ATP11B: variants seen among roughly 807,000 people sequenced by gnomAD.
The protein encoded by ATP11B is phospholipid-transporting ATPase IF.
Under a neutral mutation model 157.8 loss-of-function variants are expected in ATP11B, and 81 were observed. That is an observed-to-expected ratio of 0.51 (90% CI 0.43 to 0.62). The LOEUF is 0.62. Among genes scored for constraint, ATP11B ranks in the 20% least tolerant of loss-of-function variants. The pLI is 0.00. For missense variants in ATP11B, 1,165 were observed against 1,402.2 expected, an observed-to-expected ratio of 0.83 and a Z score of 2.70; for synonymous variants, 451 against 469.4, an observed-to-expected ratio of 0.96 and a Z score of 0.51.
chr3:182,891,861 C>T (rs1723197804), intron 25 of ATP11B, among the ~76,000 whole-genome samples: 1 of 152,206 alleles, frequency 6.6e-6, no homozygotes, highest in South Asian at 2.1e-4. Context: ...GAGTTAACCT[C>T]TCTCAGACTC....
chr3:182,822,519 G>T (rs1441798062), intron 2 of ATP11B, among the ~76,000 whole-genome samples: 1 of 152,138 alleles, frequency 6.6e-6, no homozygotes, highest in Non-Finnish European at 1.5e-5. Context: ...GTCTATCATT[G>T]TTGGACATTT....
chr3:182,842,941 G>A (rs537804558), intron 8 of ATP11B, among the ~76,000 whole-genome samples: 134 of 152,282 alleles, frequency 8.8e-4, no homozygotes, highest in Middle Eastern at 3.4e-3. Context: ...TCAGAGTAAG[G>A]TCACTCAGGT....
intron 1 of ATP11B, among the ~76,000 whole-genome samples, chr3:182,814,324 C>T (rs938006641): frequency 6.6e-6 from 1 of 152,108 alleles, no homozygotes; most frequent in African/African-American, 2.4e-5. Context: ...CTCGGCCTCC[C>T]AAAGTGCTGA....
Position 182,872,438 on chromosome 3 carries a change from C to T in ATP11B, c.1949C>T (p.Ala650Val). ...YEEIDKRIFE[A>V]RTALQQREEK... The stretch of plus-strand genomic sequence containing the variant: ...GAAATAGATAAACGCATATTTGAAG[C>T]CAGGACTGCCTTGCAGCAGCGGGAA... Residue 650 changes from alanine (A) to valine (V), a missense_variant, in exon 18 of 30, where the codon GCC becomes GTC. By Grantham distance (64) the Ala-to-Val change is moderately conservative. Transcript: ENST00000323116. The T allele has an allele frequency of 1.9e-6, 3 of 1,613,944 alleles. No individual in the cohort carries two copies. The South Asian group carries it at 3.3e-5, about 18-fold the overall frequency.
intron 24 of ATP11B, among the ~76,000 whole-genome samples, chr3:182,887,924 C>G (rs1015119397): frequency 2.6e-5 from 4 of 152,124 alleles, no homozygotes; most frequent in Non-Finnish European, 5.9e-5. Context: ...TGAGCACTTT[C>G]ATCCTGGGAA....
At chr3:182,907,074 CAG>C (rs1724414896) in intron 28 of ATP11B, among the ~76,000 whole-genome samples, 1 of 143,626 alleles carries the variant, frequency 7.0e-6, no homozygotes, top group Non-Finnish European at 1.5e-5. Flanking sequence ...GCCTGAGCGA[CAG>C]AGTGAGACTC....
At chr3:182,878,810 A>T (rs1455643091) in intron 19 of ATP11B, among the ~76,000 whole-genome samples, 1 of 152,112 alleles carries the variant, frequency 6.6e-6, no homozygotes, top group East Asian at 1.9e-4. Context: ...TTTCCTGAAC[A>T]TCTTGATTTC....
intron 4 of ATP11B, among the ~76,000 whole-genome samples, chr3:182,831,008 G>C (rs1304556653): frequency 6.6e-6 from 1 of 151,980 alleles, no homozygotes; most frequent in African/African-American, 2.4e-5. Flanking sequence ...TTTCACCTTA[G>C]GTAATTTCAT....
chr3:182,917,957 T>A, intron 29 of ATP11B, 66 bp from the exon 30 acceptor site: 1 of 1,586,776 alleles, frequency 6.3e-7, no homozygotes, highest in Admixed American at 1.7e-5. Context: ...AGTTTTAGAG[T>A]AAATTTTTTT....
chr3:182,861,085 G>GA (rs1348108995), intron 12 of ATP11B, among the ~76,000 whole-genome samples: 1 of 121,022 alleles, frequency 8.3e-6, no homozygotes, highest in Non-Finnish European at 1.7e-5. Context: ...TTTTTTTTGA[G>GA]ACGGAGTTTT....
rs1725292893 is a variant in ATP11B at position 182,918,816 on chromosome 3, C to T, written c.*712C>T. The T allele has an allele frequency of 6.5e-6, 1 of 154,708 alleles. No homozygotes were observed. Among genetic ancestry groups the T allele is most frequent in the African/African-American group, 2.4e-5 (1 of 41,546 alleles). 9.6% of individuals were successfully genotyped at this position (154,708 alleles called of 1,614,324 possible). A position where few individuals can be genotyped will look rare whatever the true frequency, so the allele number is the denominator to read the frequency against. Reference sequence around the variant, plus strand: ...ACAAATCAGGAATCAGGTCCGTTCACCGAACTTCAAATTGATGTTTACTAA... The same window carrying T: ...ACAAATCAGGAATCAGGTCCGTTCATCGAACTTCAAATTGATGTTTACTAA... On this transcript the variant is annotated 3_prime_UTR_variant, in exon 30 of 30. Transcript: ENST00000323116.
At chr3:182,867,355 T>A (rs772165528) in intron 14 of ATP11B, 21 bp from the exon 15 acceptor site, 3 of 1,511,808 alleles carry the variant, frequency 2.0e-6, no homozygotes, top group Non-Finnish European at 1.8e-6. Flanking sequence ...AGTCTCACTT[T>A]TTTATCCTTT....
chr3:182,800,187 T>A (rs1417602004), intron 1 of ATP11B, among the ~76,000 whole-genome samples: 1 of 152,132 alleles, frequency 6.6e-6, no homozygotes, highest in East Asian at 1.9e-4. Context: ...ACTATGAGAC[T>A]TATTTTTAAG....
rs1725430261 is a variant in ATP11B at position 182,920,773 on chromosome 3, G to T, written c.*2669G>T. ...TGGGCGGAGCAAAGTATGGGCCAGG[G>T]AGAACTACAGCTACGAAGACCTGCT... On this transcript the variant is annotated 3_prime_UTR_variant, in exon 30 of 30. Coordinates refer to ENST00000323116, the MANE Select transcript of ATP11B (RefSeq NM_014616.3). The T allele has an allele frequency of 6.6e-6, 1 of 152,230 alleles. No individual in the cohort carries two copies. The highest frequency in any genetic ancestry group is 1.5e-5 in the Non-Finnish European group (1 of 68,080). 9.4% of individuals were successfully genotyped at this position (152,230 alleles called of 1,614,324 possible). A position where few individuals can be genotyped will look rare whatever the true frequency, so the allele number is the denominator to read the frequency against.
At chr3:182,875,178 G>A (rs1721942510) in intron 19 of ATP11B, among the ~76,000 whole-genome samples, 1 of 152,126 alleles carries the variant, frequency 6.6e-6, no homozygotes, top group Non-Finnish European at 1.5e-5. Context: ...GGCTTCATTT[G>A]ACCATCAGAG....
rs189294710 is a variant in ATP11B at position 182,870,708 on chromosome 3, T to G, written c.1866+1377T>G. ...GCTAAATAGGGCTGGGCGCGGTGGCTCACACCTGTAATCCCAGCACTTTGG... is the reference window on the plus strand; with the variant it reads ...GCTAAATAGGGCTGGGCGCGGTGGCGCACACCTGTAATCCCAGCACTTTGG... On this transcript the variant is annotated intron_variant, in intron 17 of 29. Transcript: ENST00000323116. Among the ~76,000 whole-genome samples, 24 of 152,224 alleles carry G rather than the reference T, an allele frequency of 1.6e-4. No homozygotes were observed. The East Asian group carries it at 4.4e-3, about 28-fold the overall frequency.
At chr3:182,871,021 G>T (rs772477456) in intron 17 of ATP11B, among the ~76,000 whole-genome samples, 1 of 152,028 alleles carries the variant, frequency 6.6e-6, no homozygotes, top group Non-Finnish European at 1.5e-5. Context: ...TTATTATGGG[G>T]CTCAGCACAG....
intron 1 of ATP11B, among the ~76,000 whole-genome samples, chr3:182,801,464 T>C (rs946631644): frequency 1.3e-5 from 2 of 152,226 alleles, no homozygotes; most frequent in African/African-American, 2.4e-5. Context: ...AAGCATTATG[T>C]TATAGAAAAT....
At position 182,879,502 on chromosome 3, in the gene ATP11B, A is replaced by G; in HGVS notation, c.2259A>G (p.Thr753=). 1 of 1,599,664 alleles carries G rather than the reference A, an allele frequency of 6.3e-7. No homozygotes were observed. Among genetic ancestry groups the G allele is most frequent in the Non-Finnish European group, 8.5e-7 (1 of 1,175,962 alleles). Residue 753 remains threonine, a synonymous_variant, in exon 20 of 30, where the codon ACA becomes ACG. Coordinates refer to ENST00000323116, the MANE Select transcript of ATP11B (RefSeq NM_014616.3). ...TAATTATTTTCTCTTTTAGAATTACAGAGGATCATGTGATTCAGCATGGGC... is the reference window on the plus strand; with the variant it reads ...TAATTATTTTCTCTTTTAGAATTACGGAGGATCATGTGATTCAGCATGGGC... The part of the protein sequence containing the change: ...EQLRQLARRI[T]EDHVIQHGLV...
Sources: gnomAD v4.1 joint callset for allele counts (sites outside exome capture counted in the v4.1 genomes callset) on GRCh38, gnomAD v4.1.1 for gene constraint, MANE v1.5 for transcripts, NCBI Gene and HGNC (gene_info 2026-07-23, HGNC 2026-07-21) for gene names.